Variants in NEK10 observed in about 807,000 individuals in gnomAD.
The protein encoded by NEK10 is NIMA related kinase 10.
In NEK10, 122 loss-of-function variants were observed where a neutral mutation model predicts 159.8. That is an observed-to-expected ratio of 0.76 (90% CI 0.66 to 0.89). The LOEUF (loss-of-function observed/expected upper bound fraction) is 0.89, where lower values mean the gene tolerates loss of function less well. Ranked by LOEUF, NEK10 falls within the 40% of genes least tolerant of loss-of-function variation. The pLI is 0.00. For missense variants in NEK10, 1,342 were observed against 1,323.1 expected (o/e 1.01, Z -0.22); for synonymous variants, 466 against 457.1 (o/e 1.02, Z -0.25).
chr3:27,171,992 C>T (rs1947032414), intron 28 of NEK10, 119 bp from the exon 29 acceptor site: 2 of 1,071,832 alleles, frequency 1.9e-6, no homozygotes, highest in East Asian at 2.6e-5. Flanking sequence ...GAAAAGGGAA[C>T]TCATACACTG....
intron 6 of NEK10, among the ~76,000 whole-genome samples, chr3:27,316,795 A>AG (rs1404448978): frequency 6.6e-6 from 1 of 151,462 alleles, no homozygotes; most frequent in Non-Finnish European, 1.5e-5. Flanking sequence ...AAAAAGAAAA[A>AG]AAAAGAAAAG....
At chr3:27,115,374 A>G (rs1413828439) in intron 35 of NEK10, among the ~76,000 whole-genome samples, 1 of 152,224 alleles carries the variant, frequency 6.6e-6, no homozygotes, top group Non-Finnish European at 1.5e-5. Flanking sequence ...ATAAAATAGC[A>G]TATACTCTTA....
intron 32 of NEK10, among the ~76,000 whole-genome samples, chr3:27,131,307 C>A: frequency 6.6e-6 from 1 of 152,148 alleles, no homozygotes; most frequent in South Asian, 2.1e-4. Context: ...AAGGGATTTT[C>A]CAATATCAAG....
chr3:27,273,071 G>A (rs1157323099), intron 22 of NEK10, among the ~76,000 whole-genome samples: 4 of 152,170 alleles, frequency 2.6e-5, no homozygotes, highest in African/African-American at 9.7e-5. Flanking sequence ...TAGGTAAGAG[G>A]AGAAAGTGAA....
intron 23 of NEK10, among the ~76,000 whole-genome samples, chr3:27,254,607 C>A (rs1302158696): frequency 6.6e-6 from 1 of 151,734 alleles, no homozygotes; most frequent in African/African-American, 2.4e-5. Flanking sequence ...ACCTATCAGA[C>A]AAGAGGCATT....
At chr3:27,128,908 A>C (rs1942289955) in intron 32 of NEK10, among the ~76,000 whole-genome samples, 1 of 152,078 alleles carries the variant, frequency 6.6e-6, no homozygotes, top group Admixed American at 6.6e-5. Flanking sequence ...TGGGTGGAGG[A>C]GCTCATTGCT....
Position 27,173,274 on chromosome 3 carries a change from C to T in NEK10, c.2776+1165G>A, listed in dbSNP as rs149781244. On this transcript the variant is annotated intron_variant, in intron 28 of 35. Coordinates refer to ENST00000691995, the MANE Select transcript of NEK10 (RefSeq NM_001394966.1). The stretch of plus-strand genomic sequence containing the variant: ...ACCATCCTTGCCAAGTTACCATATG[C>T]AAATTTAAGGGTCAAGCATCTCTTT... Among the ~76,000 whole-genome samples the T allele has an allele frequency of 2.9e-3, 439 of 152,260 alleles. 4 individuals are homozygous for T. The highest frequency in any genetic ancestry group is 8.9e-3 in the African/African-American group (370 of 41,548).
rs150965902 is a variant in NEK10 at position 27,175,070 on chromosome 3, T to C, written c.2506-237A>G. On this transcript the variant is annotated intron_variant, in intron 26 of 35. Coordinates refer to ENST00000691995, the MANE Select transcript of NEK10 (RefSeq NM_001394966.1). ...AAAAAGGATGGAAGTGGCAAGAGTG[T>C]TCAGTAGAAAAGGCCCATATAACCC... Among the ~76,000 whole-genome samples the C allele has an allele frequency of 6.6e-3, 1,002 of 152,260 alleles. 12 individuals carry two copies. The highest frequency in any genetic ancestry group is 0.022 in the African/African-American group (932 of 41,560).
intron 14 of NEK10, among the ~76,000 whole-genome samples, chr3:27,295,988 C>A (rs1306763468): frequency 1.3e-5 from 2 of 152,020 alleles, no homozygotes; most frequent in African/African-American, 2.4e-5. Context: ...TAAAAAGGGA[C>A]AGAGTAAAGG....
In NEK10 at chr3:27,312,108, T is replaced by A. The variant is rs2044744512; in HGVS notation, c.559A>T (p.Asn187Tyr). 1.9e-6 allele frequency: 3 copies of A among 1,610,760 alleles called. No homozygotes were observed. The highest frequency in any genetic ancestry group is 2.5e-6 in the Non-Finnish European group (3 of 1,177,390). Reference sequence around the variant, plus strand: ...CTGCAATAACACTTACATGTCATGTTGACCAGCTTGTCCACAGTGTGCTGC... The same window carrying A: ...CTGCAATAACACTTACATGTCATGTAGACCAGCTTGTCCACAGTGTGCTGC... ...EEQHTVDKLV[N>Y]MTYIFQKLAA... The change falls in exon 8 of 36, where the codon AAC (asparagine) becomes TAC (tyrosine). Residue 187 changes from asparagine (N) to tyrosine (Y), a missense_variant. Physicochemically the swap from Asn to Tyr is moderately radical, Grantham distance 143. Coordinates refer to ENST00000691995, the MANE Select transcript of NEK10 (RefSeq NM_001394966.1).
chr3:27,305,623 A>T (rs926807455), intron 11 of NEK10, among the ~76,000 whole-genome samples: 2 of 101,826 alleles, frequency 2.0e-5, no homozygotes, highest in African/African-American at 5.9e-5. Context: ...CTAAAAAAAA[A>T]AAAAAAATAA....
At position 27,163,088 on chromosome 3, in the gene NEK10, T is replaced by C. The variant is rs80224626; in HGVS notation, c.2832-350A>G. On this transcript the variant is annotated intron_variant, in intron 29 of 35. Coordinates refer to ENST00000691995, the MANE Select transcript of NEK10 (RefSeq NM_001394966.1). The stretch of plus-strand genomic sequence containing the variant: ...AAAATGTTATATATAGTATTTTCTA[T>C]GATTTGTCCCTGCTCTATTAAAAAA... Among the ~76,000 whole-genome samples the C allele has an allele frequency of 6.1e-3, 917 of 149,756 alleles. 5 individuals carry two copies. Among genetic ancestry groups the C allele is most frequent in the South Asian group, 0.022 (102 of 4,590 alleles).
At chr3:27,231,372 A>G (rs1953246633) in intron 23 of NEK10, among the ~76,000 whole-genome samples, 1 of 152,052 alleles carries the variant, frequency 6.6e-6, no homozygotes, top group African/African-American at 2.4e-5. Flanking sequence ...AGTTCATAGC[A>G]TTAAATGCCT....
At chr3:27,196,429 T>C (rs1454248356) in intron 25 of NEK10, among the ~76,000 whole-genome samples, 2 of 152,204 alleles carry the variant, frequency 1.3e-5, no homozygotes, top group Non-Finnish European at 2.9e-5. Context: ...TGCCTGTGGC[T>C]CGTCCTGCTA....
intron 19 of NEK10, among the ~76,000 whole-genome samples, chr3:27,288,401 G>A (rs1427292805): frequency 6.6e-6 from 1 of 152,074 alleles, no homozygotes; most frequent in Non-Finnish European, 1.5e-5. Context: ...GTCAGTTTAT[G>A]GAAAAATTTC....
chr3:27,274,200 A>C (rs2041593918), intron 22 of NEK10, among the ~76,000 whole-genome samples: 1 of 152,140 alleles, frequency 6.6e-6, no homozygotes, highest in African/African-American at 2.4e-5. Context: ...ACCAGGGATG[A>C]GGGAGAGGGA....
Position 27,195,138 on chromosome 3 carries a change from T to A in NEK10, c.2292-2896A>T, listed in dbSNP as rs192093280. 2.9e-3 allele frequency among the ~76,000 whole-genome samples: 448 copies of A among 152,308 alleles called. 4 individuals are homozygous for A. Among genetic ancestry groups the A allele is most frequent in the African/African-American group, 9.1e-3 (380 of 41,570 alleles). Reference sequence around the variant, plus strand: ...TAAAATAGAGGAAAGAAGATATATATGATTAGAAACAATATAATTTTTAGG... The same window carrying A: ...TAAAATAGAGGAAAGAAGATATATAAGATTAGAAACAATATAATTTTTAGG... On this transcript the variant is annotated intron_variant, in intron 25 of 35. Transcript: ENST00000691995.
At chr3:27,111,508 C>T (rs974621093) in intron 35 of NEK10, among the ~76,000 whole-genome samples, 188 bp from the exon 36 acceptor site, 1 of 152,112 alleles carries the variant, frequency 6.6e-6, no homozygotes, top group Non-Finnish European at 1.5e-5. Flanking sequence ...GCTAACAAGG[C>T]CTTTCTCAAA....
intron 22 of NEK10, among the ~76,000 whole-genome samples, chr3:27,269,132 G>C (rs1332982122): frequency 6.6e-6 from 1 of 152,168 alleles, no homozygotes; most frequent in Non-Finnish European, 1.5e-5. Context: ...TTCTGGATGA[G>C]CAAAGAAACA....
Sources: allele counts gnomAD v4.1 joint callset (sites outside exome capture counted in the v4.1 genomes callset), GRCh38; gene constraint gnomAD v4.1.1; transcripts MANE v1.5; gene names NCBI Gene and HGNC (gene_info 2026-07-23, HGNC 2026-07-21).